CSMD1: variants seen among roughly 807,000 people sequenced by gnomAD.
CSMD1 encodes the protein CUB and Sushi multiple domains 1.
In CSMD1, 213 loss-of-function variants were observed where a neutral mutation model predicts 417.5. The observed-to-expected ratio is 0.51, with a 90% CI of 0.46 to 0.57. The LOEUF (loss-of-function observed/expected upper bound fraction) is 0.57. CSMD1 is among the 20% of genes least tolerant of loss of function. The probability of loss-of-function intolerance (pLI) is 0.00; values close to 1 mark genes in which losing one functional copy is unlikely to be tolerated. For missense variants in CSMD1, 6,923 were observed against 4,529.7 expected (o/e 1.53, Z -15.17); for synonymous variants, 2,862 against 1,736.8 (o/e 1.65, Z -16.11).
chr8:3,297,791 G>T (rs986904323), intron 25 of CSMD1, among the ~76,000 whole-genome samples: 22 of 152,102 alleles, frequency 1.4e-4, no homozygotes, highest in African/African-American at 5.3e-4. Flanking sequence ...CCTTAACAAA[G>T]TTTGTGGCAT....
At chr8:4,146,592 ACATTTTTTTTTTTT>A (rs1287231786) in intron 3 of CSMD1, among the ~76,000 whole-genome samples, 2 of 56,900 alleles carry the variant, frequency 3.5e-5, no homozygotes, top group African/African-American at 8.8e-5. Context: ...TTATATGGAC[ACATTTTTTTTTTTT>A]TTTTTTTTTT....
intron 7 of CSMD1, among the ~76,000 whole-genome samples, chr8:3,673,774 A>C (rs1799214036): frequency 6.6e-6 from 1 of 152,198 alleles, no homozygotes; most frequent in South Asian, 2.1e-4. Flanking sequence ...GAAAGCATGA[A>C]GGTGCAAACC....
intron 2 of CSMD1, among the ~76,000 whole-genome samples, chr8:4,454,165 C>A (rs1799329450): frequency 6.6e-6 from 1 of 151,962 alleles, no homozygotes; most frequent in Non-Finnish European, 1.5e-5. Flanking sequence ...GCAGATTCAG[C>A]CTATTATCAG....
rs184777654 is a variant in CSMD1 at position 4,064,960 on chromosome 8, G to A, written c.416-32861C>T. Among the ~76,000 whole-genome samples, 303 of 151,310 alleles carry A rather than the reference G, an allele frequency of 2.0e-3. 3 individuals are homozygous for A. The highest frequency in any genetic ancestry group is 6.9e-3 in the Middle Eastern group (2 of 288). ...AAAAAACCTTACCTCTAGATTTAACGCTGTGCATTCACTAACTTTTGTGTC... is the reference window on the plus strand; with the variant it reads ...AAAAAACCTTACCTCTAGATTTAACACTGTGCATTCACTAACTTTTGTGTC... On this transcript the variant is annotated intron_variant, in intron 3 of 69. Coordinates refer to ENST00000635120, the MANE Select transcript of CSMD1 (RefSeq NM_033225.6).
intron 2 of CSMD1, among the ~76,000 whole-genome samples, chr8:4,420,452 G>A (rs375100491): frequency 6.6e-6 from 1 of 151,890 alleles, no homozygotes; most frequent in African/African-American, 2.4e-5. Flanking sequence ...GCGTCATGGT[G>A]GTTTGCTGCA....
intron 7 of CSMD1, among the ~76,000 whole-genome samples, chr8:3,621,097 A>C (rs1014723258): frequency 6.6e-6 from 1 of 152,200 alleles, no homozygotes; most frequent in African/African-American, 2.4e-5. Context: ...GTCATCCACA[A>C]GACAAGGAGA....
chr8:4,508,412 G>A (rs1364378131), intron 2 of CSMD1, among the ~76,000 whole-genome samples: 2 of 152,088 alleles, frequency 1.3e-5, no homozygotes, highest in African/African-American at 2.4e-5. Context: ...CATAATCTTT[G>A]CCATGCTTCA....
Position 4,429,048 on chromosome 8 carries a change from A to G in CSMD1, c.303-8983T>C, listed in dbSNP as rs184662626. Among the ~76,000 whole-genome samples, 497 of 152,172 alleles carry G rather than the reference A, an allele frequency of 3.3e-3. 5 individuals carry two copies. Among genetic ancestry groups the G allele is most frequent in the African/African-American group, 0.011 (462 of 41,532 alleles). ...GGTATTTTTTTAATAAGAGTTTTAC[A>G]TACTTACAGTGTACAATACAATGTC... On this transcript the variant is annotated intron_variant, in intron 2 of 69. Transcript: ENST00000635120.
intron 6 of CSMD1, among the ~76,000 whole-genome samples, chr8:3,725,009 T>A (rs572432445): frequency 6.6e-6 from 1 of 152,334 alleles, no homozygotes; most frequent in African/African-American, 2.4e-5. Flanking sequence ...TATACAGCTA[T>A]AAACGTTATT....
chr8:4,499,060 C>A (rs539910646), intron 2 of CSMD1, among the ~76,000 whole-genome samples: 1 of 152,148 alleles, frequency 6.6e-6, no homozygotes, highest in Admixed American at 6.5e-5. Flanking sequence ...AAGAATACAG[C>A]ACTGATGAAA....
intron 26 of CSMD1, among the ~76,000 whole-genome samples, chr8:3,240,183 A>C (rs1388809722): frequency 1.3e-5 from 2 of 152,138 alleles, no homozygotes; most frequent in Non-Finnish European, 2.9e-5. Flanking sequence ...TTGTGTAAGA[A>C]TTCTGACTGC....
intron 57 of CSMD1, among the ~76,000 whole-genome samples, chr8:2,971,324 G>C (rs1481934214): frequency 6.6e-6 from 1 of 151,926 alleles, no homozygotes; most frequent in Non-Finnish European, 1.5e-5. Flanking sequence ...GACCCAATCC[G>C]AGACCACACA....
At chr8:3,158,598 C>A (rs1819682216) in intron 38 of CSMD1, among the ~76,000 whole-genome samples, 1 of 151,954 alleles carries the variant, frequency 6.6e-6, no homozygotes, top group Non-Finnish European at 1.5e-5. Context: ...CATGAATTTT[C>A]CACTTTCTAC....
intron 5 of CSMD1, among the ~76,000 whole-genome samples, chr8:3,918,325 G>A (rs1808973367): frequency 6.6e-6 from 1 of 151,964 alleles, no homozygotes; most frequent in Admixed American, 6.6e-5. Context: ...TACCACCAGT[G>A]TACAGAGTTC....
chr8:4,383,018 A>T (rs932191614), intron 3 of CSMD1, among the ~76,000 whole-genome samples: 4 of 152,172 alleles, frequency 2.6e-5, no homozygotes, highest in African/African-American at 9.7e-5. Context: ...CTTCAGTAAG[A>T]ATTGGTGGAA....
In CSMD1 at chr8:3,425,458, C is replaced by A. The variant is rs560395910; in HGVS notation, c.1562-15853G>T. ...CAAAAATTAGCTGGGCGTGGTGGCA[C>A]CTGCCTGTAATCTCAGCTACTTGGG... On this transcript the variant is annotated intron_variant, in intron 12 of 69. Transcript: ENST00000635120. Among the ~76,000 whole-genome samples the A allele has an allele frequency of 3.3e-5, 5 of 151,864 alleles. No homozygotes were observed. In the South Asian group the frequency reaches 8.3e-4, roughly 25 times the overall value.
chr8:4,055,783 C>G (rs937071783), intron 3 of CSMD1, among the ~76,000 whole-genome samples: 1 of 152,096 alleles, frequency 6.6e-6, no homozygotes, highest in East Asian at 1.9e-4. Context: ...AAACAAGACT[C>G]TTCAGCACTT....
chr8:4,049,307 C>A (rs1798303753), intron 3 of CSMD1, among the ~76,000 whole-genome samples: 1 of 151,864 alleles, frequency 6.6e-6, no homozygotes, highest in Non-Finnish European at 1.5e-5. Flanking sequence ...GGACATTTTG[C>A]AACATCTCTG....
chr8:3,903,807 G>T (rs551077777), intron 5 of CSMD1, among the ~76,000 whole-genome samples: 2 of 152,116 alleles, frequency 1.3e-5, no homozygotes, highest in Admixed American at 1.3e-4. Context: ...GTGTTCCATG[G>T]GTCATGTTTT....
Sources: allele counts gnomAD v4.1 joint callset (sites outside exome capture counted in the v4.1 genomes callset), GRCh38; gene constraint gnomAD v4.1.1; transcripts MANE v1.5; gene names NCBI Gene and HGNC (gene_info 2026-07-23, HGNC 2026-07-21).